KIAA1217: variants seen among roughly 807,000 people sequenced by gnomAD.
The protein encoded by KIAA1217 is KIAA1217, also known as sickle tail protein homolog.
KIAA1217 carries 88 observed loss-of-function variants against 163.9 expected under a neutral mutation model. The ratio of observed to expected loss-of-function variants is 0.54; its 90% confidence interval spans 0.45 to 0.64. KIAA1217 has a LOEUF of 0.64. Ranked by LOEUF, KIAA1217 falls within the 30% of genes least tolerant of loss-of-function variation. The pLI is 0.00. For missense variants in KIAA1217, 2,372 were observed against 2,475.0 expected, an observed-to-expected ratio of 0.96 and a Z score of 0.88; for synonymous variants, 903 against 923.1, an observed-to-expected ratio of 0.98 and a Z score of 0.39.
intron 2 of KIAA1217, among the ~76,000 whole-genome samples, chr10:24,104,451 A>G (rs1007023312): frequency 1.3e-5 from 2 of 152,220 alleles, no homozygotes; most frequent in Non-Finnish European, 2.9e-5. Flanking sequence ...TCTATACAAC[A>G]TTCTTGAAAA....
At chr10:23,801,353 C>T (rs1231687406) in intron 1 of KIAA1217, among the ~76,000 whole-genome samples, 1 of 152,094 alleles carries the variant, frequency 6.6e-6, no homozygotes, top group Non-Finnish European at 1.5e-5. Context: ...GGAGGGATAG[C>T]GTTAGGATTA....
At chr10:24,201,692 C>T (rs775991325) in intron 2 of KIAA1217, among the ~76,000 whole-genome samples, 15 of 152,176 alleles carry the variant, frequency 9.9e-5, no homozygotes, top group Admixed American at 2.6e-4. Context: ...TGCCCTACCC[C>T]GCCTCTGCTT....
Position 24,473,738 on chromosome 10 carries a change from C to G in KIAA1217, c.1357C>G (p.Gln453Glu), listed in dbSNP as rs141833772. The G allele has an allele frequency of 1.6e-5, 26 of 1,614,026 alleles. No homozygotes were observed. The African/African-American group carries it at 3.3e-4, about 21-fold the overall frequency. The stretch of plus-strand genomic sequence containing the variant: ...GCATATGGAACAATCACTGTACAGA[C>G]AGAAATCAAGGAAATATCCGGATAG... ...EMHMEQSLYRQKSRKYPDSHL... is the reference protein window; with the variant it reads ...EMHMEQSLYREKSRKYPDSHL... Residue 453 changes from glutamine (Q) to glutamate (E), a missense_variant, in exon 6 of 21, where the codon CAG (glutamine) becomes GAG (glutamate). This residue lies in a region of KIAA1217 where 1,431 missense variants were observed against 1,470.3 expected (regional missense o/e 0.97). Transcript: ENST00000376454.
At chr10:24,519,055 C>T (rs557893849) in intron 10 of KIAA1217, among the ~76,000 whole-genome samples, 19 of 152,332 alleles carry the variant, frequency 1.2e-4, no homozygotes, top group African/African-American at 4.6e-4. Flanking sequence ...GCTCCATCCA[C>T]TTGCCCACCT....
At position 24,102,173 on chromosome 10, in the gene KIAA1217, T is replaced by C. The variant is rs150273519; in HGVS notation, c.-171+94799T>C. Among the ~76,000 whole-genome samples, 6 of 152,304 alleles carry C rather than the reference T, an allele frequency of 3.9e-5. No homozygotes were observed. The East Asian group carries it at 1.2e-3, about 29-fold the overall frequency. ...AAAGAACCAAAAAAATGTCCTGGAA[T>C]GAAGAAGCAATTATAGCAAGGTTGT... On this transcript the variant is annotated intron_variant, in intron 2 of 18. Transcript: ENST00000376462.
In KIAA1217 at chr10:24,367,139, C is replaced by T; in HGVS notation, c.355-13730C>T. 3.0e-6 allele frequency: 3 copies of T among 985,500 alleles called. 1 individual carries two copies. The South Asian group carries it at 1.4e-4, about 46-fold the overall frequency. 61.0% of individuals were successfully genotyped at this position (985,500 alleles called of 1,614,324 possible). A position where few individuals can be genotyped will look rare whatever the true frequency, so the allele number is the denominator to read the frequency against. ...CACAGGCTTTGAAGGGCATGCTGAT[C>T]TCTCTTCAGGCAGAACTTGACATTC... On this transcript the variant is annotated intron_variant, in intron 2 of 20. Transcript: ENST00000376454.
rs76656117 is a variant in KIAA1217, at chr10:23,929,064, G to T, written c.-320-78161G>T. On this transcript the variant is annotated intron_variant, in intron 1 of 18. Coordinates refer to the KIAA1217 transcript ENST00000376462. ...GTGCCAGGCAAGGCAGAAAGAAGAG[G>T]TACAAGATGAGGTGGTTATGCAGAG... Among the ~76,000 whole-genome samples the T allele has an allele frequency of 4.0e-3, 609 of 152,268 alleles. 4 individuals are homozygous for T. The highest frequency in any genetic ancestry group is 0.014 in the African/African-American group (575 of 41,554).
chr10:23,978,197 G>A (rs1380537088), intron 1 of KIAA1217, among the ~76,000 whole-genome samples: 1 of 152,146 alleles, frequency 6.6e-6, no homozygotes, highest in Non-Finnish European at 1.5e-5. Context: ...GGAGACCCAA[G>A]CTTAATATTC....
intron 2 of KIAA1217, among the ~76,000 whole-genome samples, chr10:24,103,356 T>C (rs2131723327): frequency 6.6e-6 from 1 of 152,232 alleles, no homozygotes; most frequent in Non-Finnish European, 1.5e-5. Context: ...TAATGACTTA[T>C]TAGATACAAG....
intron 1 of KIAA1217, among the ~76,000 whole-genome samples, chr10:23,717,881 T>C (rs1468267471): frequency 6.6e-6 from 1 of 152,174 alleles, no homozygotes; most frequent in East Asian, 1.9e-4. Flanking sequence ...CATCTAACAA[T>C]GAGACTCAGG....
chr10:23,748,460 G>T (rs1474742635), intron 1 of KIAA1217, among the ~76,000 whole-genome samples: 1 of 136,944 alleles, frequency 7.3e-6, no homozygotes, highest in Non-Finnish European at 1.6e-5. Context: ...AAGGAAGGAA[G>T]CAAGGAAGGA....
At chr10:23,989,095 G>C (rs1447228906) in intron 1 of KIAA1217, among the ~76,000 whole-genome samples, 1 of 152,082 alleles carries the variant, frequency 6.6e-6, no homozygotes, top group Non-Finnish European at 1.5e-5. Flanking sequence ...CATAATCTAA[G>C]TTATATGAAG....
intron 2 of KIAA1217, among the ~76,000 whole-genome samples, chr10:24,300,043 C>T (rs529071029): frequency 1.3e-5 from 2 of 152,262 alleles, no homozygotes; most frequent in East Asian, 1.9e-4. Context: ...TCTCTGCTAC[C>T]GCAGAGGGTA....
intron 1 of KIAA1217, among the ~76,000 whole-genome samples, chr10:23,752,673 A>T (rs1036709952): frequency 1.1e-4 from 17 of 152,200 alleles, no homozygotes; most frequent in African/African-American, 3.9e-4. Context: ...CTTGGAAATT[A>T]TGCTTTTTAC....
At chr10:23,745,529 C>T (rs1839356399) in intron 1 of KIAA1217, among the ~76,000 whole-genome samples, 1 of 152,142 alleles carries the variant, frequency 6.6e-6, no homozygotes. Flanking sequence ...CATGATGTTT[C>T]CGTGTGTCCT....
intron 1 of KIAA1217, among the ~76,000 whole-genome samples, chr10:23,963,737 G>T (rs1000530163): frequency 2.0e-5 from 3 of 152,126 alleles, no homozygotes; most frequent in Admixed American, 2.0e-4. Flanking sequence ...CACCAACAGT[G>T]TAAAAGCGTT....
At chr10:23,770,761 C>T (rs1381991203) in intron 1 of KIAA1217, among the ~76,000 whole-genome samples, 1 of 152,172 alleles carries the variant, frequency 6.6e-6, no homozygotes, top group Non-Finnish European at 1.5e-5. Flanking sequence ...AACTTCTGTG[C>T]ATGGATTGAC....
At chr10:24,216,809 G>A (rs2068877725) in intron 1 of KIAA1217, among the ~76,000 whole-genome samples, 1 of 145,512 alleles carries the variant, frequency 6.9e-6, no homozygotes, top group Non-Finnish European at 1.5e-5. Context: ...CCTGAGTGAT[G>A]GAGTGAGACT....
chr10:23,734,603 T>C (rs1838685553), intron 1 of KIAA1217, among the ~76,000 whole-genome samples: 1 of 152,138 alleles, frequency 6.6e-6, no homozygotes, highest in Non-Finnish European at 1.5e-5. Flanking sequence ...TTTAAACTTT[T>C]TATCATACAC....
Sources: gnomAD v4.1 joint callset for allele counts (sites outside exome capture counted in the v4.1 genomes callset) on GRCh38, gnomAD v4.1.1 for gene constraint, gnomAD v4.1.1 regional missense constraint, MANE v1.5 for transcripts, NCBI Gene and HGNC (gene_info 2026-07-23, HGNC 2026-07-21) for gene names.